CCDC171: variants seen among roughly 807,000 people sequenced by gnomAD.
The protein encoded by CCDC171 is coiled-coil domain-containing protein 171.
Under a neutral mutation model 168.2 loss-of-function variants are expected in CCDC171, and 177 were observed. The observed-to-expected ratio is 1.05, with a 90% CI of 0.93 to 1.19. The LOEUF (loss-of-function observed/expected upper bound fraction) is 1.19, where lower values mean the gene tolerates loss of function less well. Among genes scored for constraint, CCDC171 ranks in the 50% most tolerant of loss-of-function variants. The pLI, the probability that CCDC171 is intolerant of heterozygous loss-of-function variation, is 0.00. For synonymous variants in CCDC171, 687 were observed against 540.8 expected (o/e 1.27, Z -3.75); for missense variants, 1,991 against 1,539.0 (o/e 1.29, Z -4.91).
At chr9:15,808,633 G>T (rs957107586) in intron 21 of CCDC171, among the ~76,000 whole-genome samples, 1 of 152,204 alleles carries the variant, frequency 6.6e-6, no homozygotes, top group Non-Finnish European at 1.5e-5. Context: ...GGGTGCCTCA[G>T]TGATTTTGGA....
At chr9:16,104,416 G>T in the CCDC171 span, among the ~76,000 whole-genome samples, 2 of 151,976 alleles carry the variant, frequency 1.3e-5, no homozygotes, top group East Asian at 3.9e-4. Flanking sequence ...CTCCCTCTCT[G>T]CCTTTTGTCT....
chr9:15,968,484 T>C (rs1436854360), intron 25 of CCDC171, among the ~76,000 whole-genome samples: 4 of 151,926 alleles, frequency 2.6e-5, no homozygotes, highest in Admixed American at 6.6e-5. Context: ...TCATATTTAC[T>C]TGTATTTTAA....
intron 25 of CCDC171, among the ~76,000 whole-genome samples, chr9:15,934,143 A>G (rs377451688): frequency 4.0e-5 from 6 of 151,886 alleles, no homozygotes; most frequent in African/African-American, 1.4e-4. Flanking sequence ...GAAGATATGC[A>G]AATGCTTTGG....
intron 21 of CCDC171, among the ~76,000 whole-genome samples, chr9:15,810,701 G>A (rs1029398868): frequency 6.6e-6 from 1 of 152,186 alleles, no homozygotes; most frequent in Admixed American, 6.5e-5. Context: ...CTCCGAGTGC[G>A]GGGCCTGCCG....
At chr9:15,661,339 A>T (rs2048309115) in intron 8 of CCDC171, among the ~76,000 whole-genome samples, 1 of 151,910 alleles carries the variant, frequency 6.6e-6, no homozygotes, top group African/African-American at 2.4e-5. Flanking sequence ...AATAGGCTGA[A>T]GTTTTAAATT....
intron 4 of CCDC171, among the ~76,000 whole-genome samples, chr9:15,586,680 T>C (rs928836311): frequency 1.3e-5 from 2 of 152,328 alleles, no homozygotes; most frequent in Admixed American, 1.3e-4. Flanking sequence ...GAATTGCTAG[T>C]GGAAGTCAGG....
chr9:15,706,912 A>C (rs2052287719), intron 11 of CCDC171, among the ~76,000 whole-genome samples: 1 of 152,250 alleles, frequency 6.6e-6, no homozygotes, highest in South Asian at 2.1e-4. Context: ...GGAATTGGGC[A>C]GTCTCAGGGA....
chr9:15,651,774 A>G (rs140606083), intron 7 of CCDC171, among the ~76,000 whole-genome samples: 18 of 152,290 alleles, frequency 1.2e-4, no homozygotes, highest in African/African-American at 4.3e-4. Context: ...GGTTGATTAC[A>G]TACCTTTGCT....
At chr9:15,962,086 A>G (rs1830399325) in intron 25 of CCDC171, among the ~76,000 whole-genome samples, 1 of 152,220 alleles carries the variant, frequency 6.6e-6, no homozygotes, top group Non-Finnish European at 1.5e-5. Flanking sequence ...CTGTCCATAA[A>G]TAAAGTTATA....
chr9:15,745,901 T>G (rs1450359455), intron 18 of CCDC171, among the ~76,000 whole-genome samples: 1 of 152,188 alleles, frequency 6.6e-6, no homozygotes, highest in Non-Finnish European at 1.5e-5. Flanking sequence ...AAGCTCATCA[T>G]CAGCTTTTTA....
At chr9:15,894,664 C>A (rs1820669266) in intron 24 of CCDC171, among the ~76,000 whole-genome samples, 3 of 151,924 alleles carry the variant, frequency 2.0e-5, no homozygotes, top group South Asian at 4.1e-4. Context: ...GCACATAGGC[C>A]CATTTTAGAG....
intron 1 of CCDC171, among the ~76,000 whole-genome samples, chr9:15,560,783 C>G (rs952582189): frequency 6.6e-6 from 1 of 152,096 alleles, no homozygotes; most frequent in Admixed American, 6.6e-5. Flanking sequence ...TGGTGAGGAG[C>G]TGCGTTCTTT....
chr9:15,762,772 A>G (rs2056521180), intron 18 of CCDC171, among the ~76,000 whole-genome samples: 1 of 152,198 alleles, frequency 6.6e-6, no homozygotes, highest in Non-Finnish European at 1.5e-5. Flanking sequence ...CATTCTTTTC[A>G]CCTGTTTTGG....
At chr9:15,826,756 G>A (rs1273683748) in intron 21 of CCDC171, among the ~76,000 whole-genome samples, 1 of 152,186 alleles carries the variant, frequency 6.6e-6, no homozygotes, top group Non-Finnish European at 1.5e-5. Flanking sequence ...TGAGGCTCCA[G>A]ATAATAGGGA....
At chr9:15,812,793 CCA>C (rs2059411639) in intron 21 of CCDC171, among the ~76,000 whole-genome samples, 1 of 152,108 alleles carries the variant, frequency 6.6e-6, no homozygotes, top group African/African-American at 2.4e-5. Flanking sequence ...TACTTGTTGC[CCA>C]CTCTTCCTTT....
At chr9:15,606,050 C>T (rs1167725562) in intron 6 of CCDC171, among the ~76,000 whole-genome samples, 5 of 152,046 alleles carry the variant, frequency 3.3e-5, no homozygotes, top group Admixed American at 1.3e-4. Context: ...AAATTAGGCG[C>T]AGTAAGAGAT....
chr9:15,793,958 A>C (rs2058416828), intron 21 of CCDC171, among the ~76,000 whole-genome samples: 1 of 151,922 alleles, frequency 6.6e-6, no homozygotes, highest in Non-Finnish European at 1.5e-5. Flanking sequence ...TTTTGTTTTC[A>C]AACCTTATTC....
chr9:16,083,326 C>T, the CCDC171 span, among the ~76,000 whole-genome samples: 1 of 152,052 alleles, frequency 6.6e-6, no homozygotes, highest in African/African-American at 2.4e-5. Context: ...TAGTTTTTCC[C>T]AAGGTCACTC....
chr9:15,721,741 T>C lies in CCDC171; in HGVS notation c.1319-28T>C, dbSNP rs749612071. 3.0e-6 allele frequency: 4 copies of C among 1,337,200 alleles called. No homozygotes were observed. The East Asian group carries it at 1.0e-4, about 34-fold the overall frequency. 82.8% of individuals were successfully genotyped at this position (1,337,200 alleles called of 1,614,324 possible). On this transcript the variant is annotated intron_variant, in intron 11 of 25. Transcript: ENST00000380701. ...TTTTGTCCCTTTGTGACTTTAAGGG[T>C]ATATTTTCATCCTATATTTTTCTCT...
Sources: gnomAD v4.1 joint callset for allele counts (sites outside exome capture counted in the v4.1 genomes callset) on GRCh38, gnomAD v4.1.1 for gene constraint, MANE v1.5 for transcripts, NCBI Gene and HGNC (gene_info 2026-07-23, HGNC 2026-07-21) for gene names.